The following TRIM24 variants were observed in gnomAD, a reference collection of about 807,000 sequenced individuals.
TRIM24 encodes the protein transcription intermediary factor 1-alpha.
In TRIM24, 29 loss-of-function variants were observed where a neutral mutation model predicts 123.9. The observed-to-expected ratio is 0.23, with a 90% confidence interval of 0.17 to 0.32. The LOEUF (loss-of-function observed/expected upper bound fraction) is 0.32, where lower values mean the gene tolerates loss of function less well. Among genes scored for constraint, TRIM24 ranks in the 10% least tolerant of loss-of-function variants. TRIM24 has a pLI of 1.00. For synonymous variants in TRIM24, 456 were observed against 461.1 expected (o/e 0.99, Z 0.14); for missense variants, 932 against 1,295.3 (o/e 0.72, Z 4.31).
rs1797989732 is a variant in TRIM24 at position 138,585,213 on chromosome 7, A to C, written c.*262A>C. 2 of 312,892 alleles carry C rather than the reference A, an allele frequency of 6.4e-6. No homozygotes were observed. Among genetic ancestry groups the C allele is most frequent in the African/African-American group, 2.1e-5 (1 of 46,676 alleles). 19.4% of individuals were successfully genotyped at this position (312,892 alleles called of 1,614,324 possible). Reference sequence around the variant, plus strand: ...AGGATAGAAAAAGGATGGAAGAAAGAAGCATTGAAAACAAAGACATTCTTC... The same window carrying C: ...AGGATAGAAAAAGGATGGAAGAAAGCAGCATTGAAAACAAAGACATTCTTC... On this transcript the variant is annotated 3_prime_UTR_variant, in exon 19 of 19. Transcript: ENST00000343526.
At chr7:138,576,548 T>C in intron 13 of TRIM24, 103 bp downstream of exon 13, 1 of 924,054 alleles carries the variant, frequency 1.1e-6, no homozygotes, top group Admixed American at 2.6e-5. Flanking sequence ...TTGAACAATT[T>C]CCTTTATTTT....
At chr7:138,465,888 TTGTTTTTATGATAAATGTA>T (rs1187395965) in intron 1 of TRIM24, among the ~76,000 whole-genome samples, 1 of 152,248 alleles carries the variant, frequency 6.6e-6, no homozygotes, top group Non-Finnish European at 1.5e-5. Flanking sequence ...TTGGAATTTC[TTGTTTTTATGATAAATGTA>T]TGTTTACACT....
intron 10 of TRIM24, 54 bp downstream of exon 10, chr7:138,567,708 A>T: frequency 6.7e-7 from 1 of 1,487,284 alleles, no homozygotes; most frequent in Non-Finnish European, 9.0e-7. Context: ...TCTACTTTCA[A>T]ATCACAAAGA....
At chr7:138,567,404 G>T in intron 9 of TRIM24, 77 bp from the exon 10 acceptor site, 2 of 1,362,334 alleles carry the variant, frequency 1.5e-6, no homozygotes, top group Non-Finnish European at 9.8e-7. Flanking sequence ...TTCTGTAAAA[G>T]TTTTATAAGA....
chr7:138,496,320 AT>A (rs1042779005), intron 1 of TRIM24, among the ~76,000 whole-genome samples: 2 of 152,080 alleles, frequency 1.3e-5, no homozygotes, highest in African/African-American at 4.8e-5. Flanking sequence ...TATTACCCCT[AT>A]TTCATGTAGC....
At chr7:138,463,553 G>T (rs1184731727) in intron 1 of TRIM24, among the ~76,000 whole-genome samples, 2 of 152,086 alleles carry the variant, frequency 1.3e-5, no homozygotes, top group Non-Finnish European at 2.9e-5. Flanking sequence ...TATTTTAAAT[G>T]GTTAAACAGG....
intron 1 of TRIM24, chr7:138,490,519 C>T (rs374745197): frequency 5.1e-6 from 1 of 197,636 alleles, no homozygotes; most frequent in Non-Finnish European, 1.0e-5. Context: ...TTCCTCCTAG[C>T]CCCTGGTAAC....
intron 7 of TRIM24, among the ~76,000 whole-genome samples, chr7:138,541,961 G>A (rs1408719587): frequency 6.6e-6 from 1 of 152,130 alleles, no homozygotes; most frequent in Non-Finnish European, 1.5e-5. Flanking sequence ...TTCTTTTGCA[G>A]CTTCCTCACC....
rs1797263199 is a variant in TRIM24, at chr7:138,553,930, C to G, written c.1262-768C>G. ...ACACAGGGCTTATTTAGGGAACTTA[C>G]ATACAGGACAGTCCAGTGGAAGTGG... is the stretch of plus-strand genomic sequence containing the variant. On this transcript the variant is annotated intron_variant, in intron 8 of 18. Transcript: ENST00000343526. Among the ~76,000 whole-genome samples the G allele has an allele frequency of 2.0e-5, 3 of 152,176 alleles. No homozygotes were observed. The South Asian group carries it at 6.2e-4, about 32-fold the overall frequency.
intron 3 of TRIM24, among the ~76,000 whole-genome samples, chr7:138,518,222 G>GA (rs1055616650): frequency 6.6e-6 from 1 of 151,900 alleles, no homozygotes; most frequent in South Asian, 2.1e-4. Context: ...AGTTAAGTGA[G>GA]AAAAAAAATC....
chr7:138,580,976 G>T (rs1342490950), intron 16 of TRIM24, among the ~76,000 whole-genome samples: 1 of 152,058 alleles, frequency 6.6e-6, no homozygotes, highest in Non-Finnish European at 1.5e-5. Flanking sequence ...TTTCTATTTT[G>T]TTTTATTTCC....
chr7:138,509,331 A>ATATAT (rs767685305), intron 2 of TRIM24, among the ~76,000 whole-genome samples: 3 of 148,488 alleles, frequency 2.0e-5, no homozygotes, highest in African/African-American at 7.3e-5. Flanking sequence ...TATATATATA[A>ATATAT]TATATTATAT....
intron 3 of TRIM24, among the ~76,000 whole-genome samples, chr7:138,518,006 C>T (rs905106228): frequency 8.5e-5 from 13 of 152,186 alleles, no homozygotes; most frequent in African/African-American, 3.1e-4. Flanking sequence ...ATGAATTACC[C>T]TTTGACTCAA....
chr7:138,466,626 T>TC (rs1795147786), intron 1 of TRIM24, among the ~76,000 whole-genome samples: 1 of 152,032 alleles, frequency 6.6e-6, no homozygotes, highest in Non-Finnish European at 1.5e-5. Context: ...GTGCTGGGAT[T>TC]ATGGGCGTGA....
At chr7:138,466,075 C>T (rs1019540261) in intron 1 of TRIM24, among the ~76,000 whole-genome samples, 3 of 152,160 alleles carry the variant, frequency 2.0e-5, no homozygotes, top group African/African-American at 7.2e-5. Context: ...GCCATCTTGG[C>T]TCACTGCAAC....
chr7:138,506,749 C>T (rs1308094367), intron 2 of TRIM24, among the ~76,000 whole-genome samples: 1 of 152,028 alleles, frequency 6.6e-6, no homozygotes, highest in Non-Finnish European at 1.5e-5. Flanking sequence ...TTTAGACATC[C>T]TAAATGTTGA....
chr7:138,503,437 A>G (rs1418956626), intron 1 of TRIM24, among the ~76,000 whole-genome samples: 1 of 151,942 alleles, frequency 6.6e-6, no homozygotes, highest in Admixed American at 6.6e-5. Context: ...AGTACTTAAT[A>G]TATTTTTGTT....
intron 2 of TRIM24, among the ~76,000 whole-genome samples, chr7:138,512,406 G>A (rs924033292): frequency 2.6e-5 from 4 of 152,130 alleles, no homozygotes; most frequent in East Asian, 3.9e-4. Context: ...TGTACTGCGC[G>A]AGTAGAGGTT....
chr7:138,560,048 G>A (rs1584738893), intron 9 of TRIM24, among the ~76,000 whole-genome samples: 1 of 152,124 alleles, frequency 6.6e-6, no homozygotes, highest in Admixed American at 6.5e-5. Flanking sequence ...ATGGCCAACC[G>A]AACAAGATCT....
Sources: gnomAD v4.1 joint callset for allele counts (sites outside exome capture counted in the v4.1 genomes callset) on GRCh38, gnomAD v4.1.1 for gene constraint, MANE v1.5 for transcripts, NCBI Gene and HGNC (gene_info 2026-07-23, HGNC 2026-07-21) for gene names.